PCDHA1: variants seen among roughly 807,000 people sequenced by gnomAD.
PCDHA1 encodes protocadherin alpha 1.
PCDHA1 carries 42 observed loss-of-function variants against 61.3 expected under a neutral mutation model. The ratio of observed to expected loss-of-function variants is 0.69; its 90% CI spans 0.54 to 0.89. The LOEUF is 0.89. PCDHA1 is among the 40% of genes least tolerant of loss of function. The pLI, the probability that PCDHA1 is intolerant of heterozygous loss-of-function variation, is 0.00. For missense variants in PCDHA1, 1,256 were observed against 1,235.3 expected, an observed-to-expected ratio of 1.02 and a Z score of -0.25; for synonymous variants, 610 against 553.8, an observed-to-expected ratio of 1.10 and a Z score of -1.43.
intron 1 of PCDHA1, among the ~76,000 whole-genome samples, chr5:140,891,039 A>AC (rs143686625): frequency 6.6e-6 from 1 of 152,040 alleles, no homozygotes; most frequent in East Asian, 1.9e-4. Flanking sequence ...CTTAGGTGTG[A>AC]CCCCCACAGC....
chr5:140,974,396 G>C (rs1413050341), intron 1 of PCDHA1, among the ~76,000 whole-genome samples: 1 of 152,178 alleles, frequency 6.6e-6, no homozygotes, highest in Admixed American at 6.5e-5. Context: ...CATTAGGTAT[G>C]TTCTAAAGTT....
At chr5:140,966,892 C>G (rs782364150) in intron 1 of PCDHA1, 4 of 1,595,414 alleles carry the variant, frequency 2.5e-6, no homozygotes, top group South Asian at 1.1e-5. Flanking sequence ...CTGCGGCCTC[C>G]CAGCTGCGAT....
At chr5:140,945,838 G>A (rs1415502139) in intron 1 of PCDHA1, among the ~76,000 whole-genome samples, 2 of 151,896 alleles carry the variant, frequency 1.3e-5, no homozygotes, top group African/African-American at 4.8e-5. Context: ...AACTCAAAAT[G>A]GATTAAAGAC....
At chr5:140,828,582 C>G (rs1554131414) in intron 1 of PCDHA1, 3 of 1,614,224 alleles carry the variant, frequency 1.9e-6, no homozygotes, top group Middle Eastern at 3.3e-4. Flanking sequence ...GATGTTGGCT[C>G]AAATTCCATC....
chr5:140,870,521 T>A (rs782364094), intron 1 of PCDHA1: 2 of 1,614,078 alleles, frequency 1.2e-6, no homozygotes, highest in Non-Finnish European at 8.5e-7. Flanking sequence ...GGCTGCCACA[T>A]CTTCACAGTG....
intron 1 of PCDHA1, among the ~76,000 whole-genome samples, chr5:140,855,548 C>T (rs1345944772): frequency 1.3e-5 from 2 of 149,752 alleles, no homozygotes; most frequent in Non-Finnish European, 3.0e-5. Flanking sequence ...AGTGTCAGAA[C>T]TTAAATGGAA....
intron 1 of PCDHA1, chr5:140,928,279 TCTCTAGGC>T: frequency 6.2e-7 from 1 of 1,614,144 alleles, no homozygotes; most frequent in Non-Finnish European, 8.5e-7. Flanking sequence ...CCCTGGGGCC[TCTCTAGGC>T]CGAGTGTTTG....
rs562713934 is a variant in PCDHA1, at chr5:140,967,172, G to A, written c.2395-11777G>A. 1.1e-5 allele frequency: 17 copies of A among 1,612,080 alleles called. No individual in the cohort carries two copies. The highest frequency in any genetic ancestry group is 2.2e-5 in the East Asian group (1 of 44,778). On this transcript the variant is annotated intron_variant, in intron 1 of 3. Coordinates refer to ENST00000504120, the MANE Select transcript of PCDHA1 (RefSeq NM_018900.4). ...CCCCGTGGCGGTGAGCGCCGTTGAG[G>A]TGGAAATATTGGACATCAACGACAA...
At chr5:140,874,680 T>C (rs1018074001) in intron 1 of PCDHA1, among the ~76,000 whole-genome samples, 1 of 152,258 alleles carries the variant, frequency 6.6e-6, no homozygotes, top group Non-Finnish European at 1.5e-5. Flanking sequence ...TCCTGAGATT[T>C]GTTTTAACAT....
chr5:140,839,624 T>C (rs1776330895), intron 1 of PCDHA1, among the ~76,000 whole-genome samples: 1 of 152,036 alleles, frequency 6.6e-6, no homozygotes, highest in South Asian at 2.1e-4. Context: ...TCCTGAGATA[T>C]CGAGAAATAC....
intron 1 of PCDHA1, chr5:140,794,901 C>G: frequency 6.7e-7 from 1 of 1,495,360 alleles, no homozygotes; most frequent in Non-Finnish European, 9.0e-7. Flanking sequence ...TTAACAGAGA[C>G]TAGAATATTT....
chr5:140,842,799 C>T lies in PCDHA1; in HGVS notation c.2394+54115C>T, dbSNP rs2150344737. ...CAGGAGAACGCGCTGGTGTCCTACT[C>T]GCTTGTGGAGCGGCGGGTGGGCGAG... On this transcript the variant is annotated intron_variant, in intron 1 of 3. Coordinates refer to ENST00000504120, the MANE Select transcript of PCDHA1 (RefSeq NM_018900.4). 1.6e-5 allele frequency: 25 copies of T among 1,594,312 alleles called. 3 individuals carry two copies. Among genetic ancestry groups the T allele is most frequent in the Non-Finnish European group, 1.7e-5 (20 of 1,165,456 alleles).
At chr5:140,843,615 C>T (rs111750019) in intron 1 of PCDHA1, 2 of 1,595,902 alleles carry the variant, frequency 1.3e-6, no homozygotes, top group Non-Finnish European at 1.7e-6. Flanking sequence ...GAGGGGCCAC[C>T]GAAGACGGAC....
chr5:140,793,737 TAAC>T (rs1761802579), intron 1 of PCDHA1, among the ~76,000 whole-genome samples: 1 of 152,140 alleles, frequency 6.6e-6, no homozygotes, highest in African/African-American at 2.4e-5. Flanking sequence ...AGCTAAAAAT[TAAC>T]AAAAGAAGAT....
intron 1 of PCDHA1, among the ~76,000 whole-genome samples, chr5:140,792,391 T>C (rs893462271): frequency 6.6e-6 from 1 of 152,174 alleles, no homozygotes; most frequent in Admixed American, 6.5e-5. Context: ...GGTCACTTAT[T>C]TAAACCTCAG....
At chr5:140,996,752 G>T (rs1454271001) in intron 3 of PCDHA1, among the ~76,000 whole-genome samples, 4 of 152,090 alleles carry the variant, frequency 2.6e-5, no homozygotes, top group African/African-American at 7.2e-5. Context: ...AATTATATCT[G>T]TGCAGGACTA....
chr5:140,786,988 T>C lies in PCDHA1; in HGVS notation c.698T>C (p.Leu233Pro). 6.2e-7 allele frequency: 1 copy of C among 1,614,172 alleles called. No homozygotes were observed. Among genetic ancestry groups the C allele is most frequent in the Non-Finnish European group, 8.5e-7 (1 of 1,180,024 alleles). Residue 233 changes from leucine to proline, a missense_variant, in exon 1 of 4, where the codon CTC becomes CCC. Physicochemically the swap from Leu to Pro is moderately conservative, Grantham distance 98. Transcript: ENST00000504120. ...QGTVELLITV[L>P]DVNDNAPLFD... ...ACAGTTGAGCTGCTGATCACCGTCC[T>C]CGACGTTAATGATAACGCCCCACTG...
At chr5:140,942,445 A>G (rs1323056710) in intron 1 of PCDHA1, among the ~76,000 whole-genome samples, 5 of 152,016 alleles carry the variant, frequency 3.3e-5, no homozygotes, top group Non-Finnish European at 7.4e-5. Context: ...AAACAAGTAA[A>G]CTATCAATTA....
At chr5:140,933,630 C>T (rs2089281438) in intron 1 of PCDHA1, among the ~76,000 whole-genome samples, 1 of 151,952 alleles carries the variant, frequency 6.6e-6, no homozygotes, top group Admixed American at 6.6e-5. Flanking sequence ...TAGGCTGGCC[C>T]TGTTAAACAA....
Sources: gnomAD v4.1 joint callset for allele counts (sites outside exome capture counted in the v4.1 genomes callset) on GRCh38, gnomAD v4.1.1 for gene constraint, MANE v1.5 for transcripts, NCBI Gene and HGNC (gene_info 2026-07-23, HGNC 2026-07-21) for gene names.